Variants in PCDH15 observed in about 807,000 individuals in gnomAD.
PCDH15 encodes protocadherin related 15, also known as protocadherin-15.
In PCDH15, 129 loss-of-function variants were observed where a neutral mutation model predicts 178.5. The observed-to-expected ratio is 0.72, with a 90% CI of 0.63 to 0.84. PCDH15 has a LOEUF of 0.84. Ranked by LOEUF, PCDH15 falls within the 40% of genes least tolerant of loss-of-function variation. The pLI is 0.00. For missense variants in PCDH15, 2,230 were observed against 2,099.9 expected (o/e 1.06, Z -1.21); for synonymous variants, 800 against 732.0 (o/e 1.09, Z -1.50).
At chr10:54,306,516 G>A (rs563468824) in intron 8 of PCDH15, among the ~76,000 whole-genome samples, 12 of 152,054 alleles carry the variant, frequency 7.9e-5, no homozygotes, top group African/African-American at 2.7e-4. Context: ...TTTTTTGAGG[G>A]AGGTCAGTCT....
At chr10:54,175,178 G>A (rs1416321271) in intron 13 of PCDH15, among the ~76,000 whole-genome samples, 1 of 151,944 alleles carries the variant, frequency 6.6e-6, no homozygotes, top group East Asian at 1.9e-4. Context: ...CTTTAATCAT[G>A]ACATTATACA....
chr10:53,871,480 G>GTGTGTGTA (rs1164989375), intron 26 of PCDH15, among the ~76,000 whole-genome samples: 87 of 150,234 alleles, frequency 5.8e-4, no homozygotes, highest in South Asian at 2.5e-3. Context: ...GTGTGTGTGT[G>GTGTGTGTA]TATATACACA....
chr10:55,101,187 T>G (rs186465409), intron 2 of PCDH15, among the ~76,000 whole-genome samples: 1 of 152,104 alleles, frequency 6.6e-6, no homozygotes, highest in East Asian at 1.9e-4. Context: ...GAGATCAGCC[T>G]GGCCAACATC....
rs1351363266 is a variant in PCDH15 at position 54,290,777 on chromosome 10, C to T, written c.876+26494G>A. 2.0e-5 allele frequency among the ~76,000 whole-genome samples: 3 copies of T among 152,064 alleles called. No homozygotes were observed. The South Asian group carries it at 6.2e-4, about 32-fold the overall frequency. On this transcript the variant is annotated intron_variant, in intron 8 of 37. Transcript: ENST00000644397. ...TCTGATAAAACAGATTTTAAACCAACAAAGATCAGAAGAGACAAAGAAGGC... is the reference window on the plus strand; with the variant it reads ...TCTGATAAAACAGATTTTAAACCAATAAAGATCAGAAGAGACAAAGAAGGC...
At chr10:54,960,594 C>T (rs1838619874) in intron 2 of PCDH15, among the ~76,000 whole-genome samples, 1 of 152,140 alleles carries the variant, frequency 6.6e-6, no homozygotes, top group African/African-American at 2.4e-5. Context: ...GATTAAGTAA[C>T]ACCCAGTCCT....
chr10:54,128,699 AC>A (rs2042182033), intron 15 of PCDH15, among the ~76,000 whole-genome samples: 1 of 152,144 alleles, frequency 6.6e-6, no homozygotes, highest in Admixed American at 6.6e-5. Context: ...AGAATCAGGA[AC>A]TTTTTGAGAT....
intron 2 of PCDH15, among the ~76,000 whole-genome samples, chr10:54,560,030 T>A (rs545393150): frequency 6.6e-6 from 1 of 151,992 alleles, no homozygotes; most frequent in Non-Finnish European, 1.5e-5. Flanking sequence ...TGTAACTCAA[T>A]TTGTTGTCTT....
At chr10:55,204,572 G>A (rs1377307148) in intron 1 of PCDH15, among the ~76,000 whole-genome samples, 3 of 152,022 alleles carry the variant, frequency 2.0e-5, no homozygotes, top group East Asian at 1.9e-4. Flanking sequence ...CAAGGAGCAT[G>A]ATCTGCTAAA....
At chr10:54,247,685 A>G (rs900862115) in intron 8 of PCDH15, among the ~76,000 whole-genome samples, 1 of 151,810 alleles carries the variant, frequency 6.6e-6, no homozygotes, top group Non-Finnish European at 1.5e-5. Flanking sequence ...TTCCAATAGA[A>G]TGAACGGTGA....
At chr10:54,864,515 T>C (rs1243409945) in intron 3 of PCDH15, among the ~76,000 whole-genome samples, 1 of 152,186 alleles carries the variant, frequency 6.6e-6, no homozygotes, top group Non-Finnish European at 1.5e-5. Flanking sequence ...CGGTTTATTG[T>C]TATATAACAA....
At chr10:54,572,871 T>C (rs919056052) in intron 2 of PCDH15, among the ~76,000 whole-genome samples, 4 of 152,136 alleles carry the variant, frequency 2.6e-5, no homozygotes, top group African/African-American at 9.7e-5. Flanking sequence ...GTGTTTCTTG[T>C]ATGTGGGATT....
At chr10:54,161,946 T>G (rs1374866358) in intron 13 of PCDH15, among the ~76,000 whole-genome samples, 1 of 152,154 alleles carries the variant, frequency 6.6e-6, no homozygotes, top group African/African-American at 2.4e-5. Context: ...GTTGTCTCAC[T>G]GATTGGCATT....
chr10:54,253,056 G>A (rs1236376057), intron 8 of PCDH15, among the ~76,000 whole-genome samples: 1 of 151,950 alleles, frequency 6.6e-6, no homozygotes, highest in Non-Finnish European at 1.5e-5. Context: ...ATAAAGCTGG[G>A]AGATAGGAAA....
chr10:54,517,232 G>C (rs2082324983), intron 3 of PCDH15, among the ~76,000 whole-genome samples: 1 of 152,048 alleles, frequency 6.6e-6, no homozygotes, highest in African/African-American at 2.4e-5. Flanking sequence ...AATATAAATG[G>C]GCTAAATGCT....
rs139184347 is a variant in PCDH15, at chr10:55,220,720, A to G, written c.-155-54069T>C. 5.8e-3 allele frequency among the ~76,000 whole-genome samples: 877 copies of G among 152,216 alleles called. 14 individuals carry two copies. Among genetic ancestry groups the G allele is most frequent in the African/African-American group, 0.02 (815 of 41,510 alleles). ...ATTCTCTGGGGGCATGATCATATACACAATCTGTTGTTGACAGAAACATCA... is the reference window on the plus strand; with the variant it reads ...ATTCTCTGGGGGCATGATCATATACGCAATCTGTTGTTGACAGAAACATCA... On this transcript the variant is annotated intron_variant, in intron 1 of 5. Coordinates refer to the PCDH15 transcript ENST00000458638.
intron 5 of PCDH15, among the ~76,000 whole-genome samples, chr10:54,356,140 T>C (rs894513169): frequency 1.3e-5 from 2 of 152,030 alleles, no homozygotes; most frequent in Admixed American, 6.6e-5. Flanking sequence ...TTTGTCAAAG[T>C]GATAAAAGCC....
chr10:55,027,937 T>A (rs890834461), intron 2 of PCDH15, among the ~76,000 whole-genome samples: 1 of 151,844 alleles, frequency 6.6e-6, no homozygotes, highest in African/African-American at 2.4e-5. Flanking sequence ...GGAGGAAAAA[T>A]AGAATGTTAC....
At chr10:55,361,381 A>G (rs1845226125) in intron 2 of PCDH15, among the ~76,000 whole-genome samples, 1 of 152,166 alleles carries the variant, frequency 6.6e-6, no homozygotes, top group East Asian at 1.9e-4. Context: ...CTGGAAAATC[A>G]AATCATAGCT....
At chr10:54,152,125 T>C (rs1590813981) in intron 14 of PCDH15, among the ~76,000 whole-genome samples, 1 of 152,288 alleles carries the variant, frequency 6.6e-6, no homozygotes, top group African/African-American at 2.4e-5. Context: ...ATGGCTGCAT[T>C]AATACCTCCT....
Sources: gnomAD v4.1 joint callset for allele counts (sites outside exome capture counted in the v4.1 genomes callset) on GRCh38, gnomAD v4.1.1 for gene constraint, MANE v1.5 for transcripts, NCBI Gene and HGNC (gene_info 2026-07-23, HGNC 2026-07-21) for gene names.